Variants in ZNF423 observed in about 807,000 individuals in gnomAD.
The protein encoded by ZNF423 is zinc finger protein 423.
Under a neutral mutation model 95.8 loss-of-function variants are expected in ZNF423, and 12 were observed. That is an observed-to-expected ratio of 0.13 (90% CI 0.08 to 0.20). The LOEUF (loss-of-function observed/expected upper bound fraction) is 0.20. Among genes scored for constraint, ZNF423 ranks in the 10% least tolerant of loss-of-function variants. The pLI is 1.00. For synonymous variants in ZNF423, 749 were observed against 711.9 expected (o/e 1.05, Z -0.83); for missense variants, 1,316 against 1,737.1 (o/e 0.76, Z 4.31).
At chr16:49,739,640 AC>A (rs1399427367) in intron 2 of ZNF423, among the ~76,000 whole-genome samples, 1 of 148,960 alleles carries the variant, frequency 6.7e-6, no homozygotes, top group Non-Finnish European at 1.5e-5. Flanking sequence ...GAAGATACCT[AC>A]CATTTCCAAA....
chr16:49,820,841 T>A (rs1246707194), intron 1 of ZNF423, among the ~76,000 whole-genome samples: 1 of 152,254 alleles, frequency 6.6e-6, no homozygotes, highest in Non-Finnish European at 1.5e-5. Flanking sequence ...CCTTGGGTAG[T>A]AGATTGAAGT....
At chr16:49,574,783 C>G (rs1312832042) in intron 5 of ZNF423, among the ~76,000 whole-genome samples, 1 of 152,190 alleles carries the variant, frequency 6.6e-6, no homozygotes, top group African/African-American at 2.4e-5. Context: ...GGGAGAGCAC[C>G]AGGCCTTCTG....
chr16:49,859,141 G>A (rs1172771221), upstream of ZNF423, among the ~76,000 whole-genome samples: 1 of 152,168 alleles, frequency 6.6e-6, no homozygotes, highest in Non-Finnish European at 1.5e-5. Flanking sequence ...GGGCCGTCGG[G>A]GGAGAGGGGT....
intron 3 of ZNF423, among the ~76,000 whole-genome samples, chr16:49,722,461 A>C (rs1280210954): frequency 6.6e-6 from 1 of 152,208 alleles, no homozygotes. Context: ...TTCTCCACTG[A>C]GCTACCTTTT....
At chr16:49,838,897 G>A (rs1038271415) in intron 1 of ZNF423, among the ~76,000 whole-genome samples, 2 of 151,788 alleles carry the variant, frequency 1.3e-5, no homozygotes, top group East Asian at 3.9e-4. Context: ...TCCCAATGCC[G>A]CCGCCTCAAA....
chr16:49,751,860 C>T (rs776265447), intron 2 of ZNF423, among the ~76,000 whole-genome samples: 9 of 152,172 alleles, frequency 5.9e-5, no homozygotes, highest in Non-Finnish European at 1.3e-4. Flanking sequence ...TGCACTGGAG[C>T]CACAGTCTGT....
chr16:49,663,997 C>G, intron 3 of ZNF423: 1 of 908,498 alleles, frequency 1.1e-6, no homozygotes, highest in Non-Finnish European at 1.3e-6. Context: ...TCTAAGGGGA[C>G]TCGGCGTTCC....
intron 2 of ZNF423, among the ~76,000 whole-genome samples, chr16:49,747,403 CA>C (rs1381154122): frequency 6.6e-6 from 1 of 151,838 alleles, no homozygotes; most frequent in Non-Finnish European, 1.5e-5. Context: ...ACATGTATAT[CA>C]GTAGTATTTA....
At chr16:49,745,747 AT>A (rs2033509073) in intron 2 of ZNF423, among the ~76,000 whole-genome samples, 1 of 152,156 alleles carries the variant, frequency 6.6e-6, no homozygotes, top group Non-Finnish European at 1.5e-5. Context: ...ACCAAACAGA[AT>A]TTTCAAGAAT....
At chr16:49,520,518 T>TA (rs773813090) in intron 7 of ZNF423, among the ~76,000 whole-genome samples, 4 of 152,348 alleles carry the variant, frequency 2.6e-5, no homozygotes, top group Non-Finnish European at 4.4e-5. Flanking sequence ...CACTTCCTGG[T>TA]CCTGCAGTGA....
intron 7 of ZNF423, among the ~76,000 whole-genome samples, chr16:49,515,128 C>T (rs1354502066): frequency 1.3e-5 from 2 of 152,252 alleles, no homozygotes; most frequent in African/African-American, 4.8e-5. Flanking sequence ...CCAGCCTAAG[C>T]CAAACCCATC....
At chr16:49,723,103 C>G (rs370684719) in intron 3 of ZNF423, among the ~76,000 whole-genome samples, 5 of 151,740 alleles carry the variant, frequency 3.3e-5, no homozygotes, top group African/African-American at 1.2e-4. Flanking sequence ...CTACAGGCAC[C>G]CGCCACCACG....
At chr16:49,591,259 C>G (rs1373317154) in intron 5 of ZNF423, among the ~76,000 whole-genome samples, 1 of 151,802 alleles carries the variant, frequency 6.6e-6, no homozygotes, top group East Asian at 2.0e-4. Context: ...CATTATGACT[C>G]CACTGGGAAG....
At chr16:49,565,793 C>A (rs1280809739) in intron 5 of ZNF423, among the ~76,000 whole-genome samples, 1 of 151,518 alleles carries the variant, frequency 6.6e-6, no homozygotes, top group Non-Finnish European at 1.5e-5. Context: ...GCATCCAACA[C>A]AATTTTAGAT....
chr16:49,726,553 A>G (rs149919755), intron 3 of ZNF423, among the ~76,000 whole-genome samples: 2 of 152,276 alleles, frequency 1.3e-5, no homozygotes, highest in East Asian at 3.9e-4. Context: ...TTATGACGTT[A>G]TTTGTTCCAA....
intron 2 of ZNF423, among the ~76,000 whole-genome samples, chr16:49,765,263 T>C (rs1255975247): frequency 1.3e-5 from 2 of 152,180 alleles, no homozygotes; most frequent in East Asian, 1.9e-4. Context: ...TGTGTTTTAA[T>C]GGGAACATCG....
intron 6 of ZNF423, among the ~76,000 whole-genome samples, chr16:49,524,233 T>A (rs1040230544): frequency 1.3e-5 from 2 of 152,214 alleles, no homozygotes; most frequent in Admixed American, 6.5e-5. Context: ...AAATGGCTTG[T>A]CCAAGGTCCC....
intron 3 of ZNF423, among the ~76,000 whole-genome samples, chr16:49,694,603 C>G (rs902625631): frequency 6.6e-6 from 1 of 152,152 alleles, no homozygotes; most frequent in Non-Finnish European, 1.5e-5. Flanking sequence ...ATTCTTAATA[C>G]CCCCAGACTT....
At chr16:49,513,208 G>C (rs543589754) in intron 7 of ZNF423, among the ~76,000 whole-genome samples, 6 of 152,176 alleles carry the variant, frequency 3.9e-5, no homozygotes, top group Non-Finnish European at 8.8e-5. Context: ...TGACTCCAGC[G>C]TGAGCAACAG....
Sources: allele counts gnomAD v4.1 joint callset (sites outside exome capture counted in the v4.1 genomes callset), GRCh38; gene constraint gnomAD v4.1.1; transcripts MANE v1.5; gene names NCBI Gene and HGNC (gene_info 2026-07-23, HGNC 2026-07-21).